Variants in VWC2L observed in about 807,000 individuals in gnomAD.
VWC2L encodes the protein von Willebrand factor C domain-containing protein 2-like.
Under a neutral mutation model 21.6 loss-of-function variants are expected in VWC2L, and 10 were observed. That is an observed-to-expected ratio of 0.46 (90% CI 0.29 to 0.78). The LOEUF is 0.78. VWC2L is among the 30% of genes least tolerant of loss of function. The probability of loss-of-function intolerance (pLI) is 0.10; values close to 1 mark genes in which losing one functional copy is unlikely to be tolerated. For synonymous variants in VWC2L, 96 were observed against 94.3 expected (o/e 1.02, Z -0.10); for missense variants, 209 against 277.1 (o/e 0.75, Z 1.74).
chr2:214,518,037 G>A (rs990136857), intron 3 of VWC2L, among the ~76,000 whole-genome samples: 1 of 152,102 alleles, frequency 6.6e-6, no homozygotes, highest in Non-Finnish European at 1.5e-5. Flanking sequence ...GTAGTGGCAG[G>A]CACCTGCAGT....
chr2:214,458,163 G>T (rs541432869), intron 3 of VWC2L, among the ~76,000 whole-genome samples: 1 of 151,982 alleles, frequency 6.6e-6, no homozygotes. Flanking sequence ...ATTTCTTCCT[G>T]ATTCAGTCTT....
chr2:214,572,925 A>G (rs1690173415), intron 3 of VWC2L, among the ~76,000 whole-genome samples: 1 of 152,156 alleles, frequency 6.6e-6, no homozygotes, highest in East Asian at 1.9e-4. Flanking sequence ...ACGTGCAAAG[A>G]TCTTTCTTTG....
chr2:214,564,756 T>A (rs1690036208), intron 3 of VWC2L, among the ~76,000 whole-genome samples: 1 of 152,230 alleles, frequency 6.6e-6, no homozygotes, highest in African/African-American at 2.4e-5. Context: ...TAAAAATGCA[T>A]GCCAATATCA....
chr2:214,516,699 G>C (rs1362435000), intron 3 of VWC2L, among the ~76,000 whole-genome samples: 2 of 151,088 alleles, frequency 1.3e-5, no homozygotes, highest in African/African-American at 2.4e-5. Flanking sequence ...TGTATATAAA[G>C]CTAGTTCAAC....
intron 3 of VWC2L, among the ~76,000 whole-genome samples, chr2:214,529,880 A>G (rs1466018483): frequency 6.6e-6 from 1 of 152,178 alleles, no homozygotes; most frequent in South Asian, 2.1e-4. Context: ...GGGTAGTTTC[A>G]TTCCTCATCT....
chr2:214,475,059 G>T, intron 3 of VWC2L, among the ~76,000 whole-genome samples: 2 of 152,206 alleles, frequency 1.3e-5, no homozygotes, highest in South Asian at 4.1e-4. Flanking sequence ...GACTTGATGC[G>T]AATTGTTTGT....
At chr2:214,530,663 A>G (rs1689419121) in intron 3 of VWC2L, among the ~76,000 whole-genome samples, 1 of 152,138 alleles carries the variant, frequency 6.6e-6, no homozygotes, top group Admixed American at 6.6e-5. Flanking sequence ...TAGGGACACA[A>G]ACAAATTTTG....
intron 3 of VWC2L, among the ~76,000 whole-genome samples, chr2:214,478,753 G>A (rs895796391): frequency 1.3e-5 from 2 of 152,108 alleles, no homozygotes; most frequent in African/African-American, 4.8e-5. Flanking sequence ...CTCTTGCCTT[G>A]AGGAACACCC....
chr2:214,525,449 A>G (rs193126504), intron 3 of VWC2L: 2 of 152,328 alleles, frequency 1.3e-5, no homozygotes, highest in African/African-American at 2.4e-5. Flanking sequence ...TCCAGAGTCA[A>G]TAAGTTTGGG....
intron 3 of VWC2L, among the ~76,000 whole-genome samples, chr2:214,509,378 T>A (rs1689017909): frequency 6.6e-6 from 1 of 152,200 alleles, no homozygotes; most frequent in Admixed American, 6.5e-5. Flanking sequence ...CTCTACTTGC[T>A]ATTCTAGTCT....
At chr2:214,450,082 C>T (rs985667773) in intron 3 of VWC2L, among the ~76,000 whole-genome samples, 1 of 152,122 alleles carries the variant, frequency 6.6e-6, no homozygotes, top group Admixed American at 6.6e-5. Context: ...GGCACTGATT[C>T]ATGTGTTTAA....
At chr2:214,496,348 T>A (rs1276454871) in intron 3 of VWC2L, among the ~76,000 whole-genome samples, 2 of 150,336 alleles carry the variant, frequency 1.3e-5, no homozygotes, top group Non-Finnish European at 3.0e-5. Flanking sequence ...TGCAAGCATA[T>A]GAAACATCTT....
At chr2:214,517,823 G>A (rs2105909404) in intron 3 of VWC2L, among the ~76,000 whole-genome samples, 1 of 152,312 alleles carries the variant, frequency 6.6e-6, no homozygotes, top group East Asian at 1.9e-4. Flanking sequence ...GGAGAATAGA[G>A]AGATGGTTTG....
In VWC2L at chr2:214,562,370, T is replaced by A. The variant is rs144177678; in HGVS notation, c.521-13302T>A. ...AGTATTCCATTGTGTATATGTACCA[T>A]ATTTTCTTTATCCAATCTATCATTG... On this transcript the variant is annotated intron_variant, in intron 3 of 3. Transcript: ENST00000312504. Among the ~76,000 whole-genome samples, 238 of 152,350 alleles carry A rather than the reference T, an allele frequency of 1.6e-3. 1 individual carries two copies. The highest frequency in any genetic ancestry group is 2.3e-3 in the Non-Finnish European group (157 of 68,026).
intron 3 of VWC2L, among the ~76,000 whole-genome samples, chr2:214,444,617 G>A (rs1172603508): frequency 2.0e-5 from 3 of 151,804 alleles, no homozygotes; most frequent in African/African-American, 7.3e-5. Flanking sequence ...TTGGGGCATT[G>A]GAAAATTCAA....
At position 214,451,313 on chromosome 2, in the gene VWC2L, G is replaced by C. The variant is rs199860993; in HGVS notation, c.520+14555G>C. On this transcript the variant is annotated intron_variant, in intron 3 of 3. Coordinates refer to ENST00000312504, the MANE Select transcript of VWC2L (RefSeq NM_001080500.4). Reference sequence around the variant, plus strand: ...GAAGGATAAGTGGGTCGGTGTGGGGGGGGGGGGCAGTAAAAGCTGAAATAA... The same window carrying C: ...GAAGGATAAGTGGGTCGGTGTGGGGCGGGGGGGCAGTAAAAGCTGAAATAA... 1.8e-4 allele frequency among the ~76,000 whole-genome samples: 27 copies of C among 147,270 alleles called. 1 individual carries two copies. The highest frequency in any genetic ancestry group is 4.3e-4 in the South Asian group (2 of 4,630).
At chr2:214,542,792 C>T (rs1689648355) in intron 3 of VWC2L, among the ~76,000 whole-genome samples, 1 of 152,136 alleles carries the variant, frequency 6.6e-6, no homozygotes, top group African/African-American at 2.4e-5. Flanking sequence ...AATGGCTGTA[C>T]AATTTTCATA....
rs58023554 is a variant in VWC2L at position 214,472,459 on chromosome 2, T to C, written c.520+35701T>C. Among the ~76,000 whole-genome samples, 1,520 of 152,352 alleles carry C rather than the reference T, an allele frequency of 1.0e-2. 30 individuals are homozygous for C. Among genetic ancestry groups the C allele is most frequent in the African/African-American group, 0.035 (1,454 of 41,578 alleles). ...TGTGTGTGCACATGTACCAAAATGA[T>C]AGACATTTGCCAATAAGTGACAAAT... On this transcript the variant is annotated intron_variant, in intron 3 of 3. Transcript: ENST00000312504.
intron 3 of VWC2L, among the ~76,000 whole-genome samples, chr2:214,441,304 T>G (rs1471133116): frequency 4.0e-5 from 6 of 151,848 alleles, no homozygotes; most frequent in African/African-American, 1.5e-4. Flanking sequence ...AAAGAGCTCC[T>G]TAAAATAAAT....
Sources: allele counts gnomAD v4.1 joint callset (sites outside exome capture counted in the v4.1 genomes callset), GRCh38; gene constraint gnomAD v4.1.1; transcripts MANE v1.5; gene names NCBI Gene and HGNC (gene_info 2026-07-23, HGNC 2026-07-21).